EYS: variants seen among roughly 807,000 people sequenced by gnomAD.
EYS encodes protein eyes shut homolog.
EYS carries 250 observed loss-of-function variants against 282.1 expected under a neutral mutation model. The ratio of observed to expected loss-of-function variants is 0.89; its 90% confidence interval spans 0.80 to 0.98. The LOEUF is 0.98. Ranked by LOEUF, EYS falls within the 50% of genes least tolerant of loss-of-function variation. The pLI, the probability that EYS is intolerant of heterozygous loss-of-function variation, is 0.00. For missense variants in EYS, 4,016 were observed against 3,709.0 expected (o/e 1.08, Z -2.15); for synonymous variants, 1,355 against 1,282.9 (o/e 1.06, Z -1.20).
Position 64,297,191 on chromosome 6 carries a change from T to C in EYS, c.6191+9779A>G, listed in dbSNP as rs545372301. On this transcript the variant is annotated intron_variant, in intron 30 of 42. Transcript: ENST00000503581. ...GATCACTGATTACTGCTTCTGATAA[T>C]AGAGCTGATGATCAGTGAACTAGAT... Among the ~76,000 whole-genome samples the C allele has an allele frequency of 1.2e-4, 18 of 152,190 alleles. No homozygotes were observed. The South Asian group carries it at 3.5e-3, about 30-fold the overall frequency.
intron 35 of EYS, among the ~76,000 whole-genome samples, chr6:63,887,523 G>A (rs903089481): frequency 1.3e-5 from 2 of 151,986 alleles, no homozygotes; most frequent in African/African-American, 4.8e-5. Context: ...GAATCAGGGA[G>A]GGGTGTCCCC....
At chr6:65,086,460 G>T (rs1581896537) in intron 12 of EYS, among the ~76,000 whole-genome samples, 2 of 152,026 alleles carry the variant, frequency 1.3e-5, no homozygotes, top group African/African-American at 4.8e-5. Flanking sequence ...CTTTTTGGGG[G>T]GATGTGTATA....
At chr6:64,439,862 G>C (rs1774877467) in intron 26 of EYS, among the ~76,000 whole-genome samples, 1 of 151,536 alleles carries the variant, frequency 6.6e-6, no homozygotes, top group African/African-American at 2.4e-5. Context: ...TAGATTTTCA[G>C]AAAAAAATGA....
intron 13 of EYS, among the ~76,000 whole-genome samples, chr6:65,023,631 T>G (rs558955047): frequency 6.6e-6 from 1 of 152,350 alleles, no homozygotes; most frequent in South Asian, 2.1e-4. Flanking sequence ...ATAGTCTCTC[T>G]TTTATAGTGA....
chr6:64,938,921 C>T lies in EYS; in HGVS notation c.2381+6872G>A, dbSNP rs1769000806. Among the ~76,000 whole-genome samples, 4 of 151,782 alleles carry T rather than the reference C, an allele frequency of 2.6e-5. No homozygotes were observed. The South Asian group carries it at 8.3e-4, about 31-fold the overall frequency. On this transcript the variant is annotated intron_variant, in intron 15 of 42. Coordinates refer to ENST00000503581, the MANE Select transcript of EYS (RefSeq NM_001142800.2). The stretch of plus-strand genomic sequence containing the variant: ...ATCCACTGGGGGTCTTGGAACATAT[C>T]TCCCTTGGAATAGTAAAGGGGGACT...
At chr6:65,656,075 G>C (rs1164648465) in intron 1 of EYS, among the ~76,000 whole-genome samples, 1 of 151,440 alleles carries the variant, frequency 6.6e-6, no homozygotes. Flanking sequence ...AATTGTTTTG[G>C]GGCACCACAA....
At chr6:65,221,319 G>A (rs892193920) in intron 12 of EYS, among the ~76,000 whole-genome samples, 6 of 152,130 alleles carry the variant, frequency 3.9e-5, no homozygotes, top group Non-Finnish European at 8.8e-5. Context: ...ATGCCCAGAG[G>A]CCTAGGAGGA....
At chr6:65,567,331 T>C (rs1264770141) in intron 2 of EYS, among the ~76,000 whole-genome samples, 1 of 150,388 alleles carries the variant, frequency 6.6e-6, no homozygotes, top group Non-Finnish European at 1.5e-5. Context: ...TTCTAACAGA[T>C]ACATTTTCTA....
intron 22 of EYS, among the ~76,000 whole-genome samples, chr6:64,809,972 G>A (rs1764544922): frequency 6.6e-6 from 1 of 151,930 alleles, no homozygotes; most frequent in South Asian, 2.1e-4. Flanking sequence ...TATAATAAAT[G>A]TTGAAAATGT....
chr6:64,442,798 G>A (rs982528177), intron 26 of EYS, among the ~76,000 whole-genome samples: 3 of 143,014 alleles, frequency 2.1e-5, no homozygotes, highest in Non-Finnish European at 3.1e-5. Flanking sequence ...GGGAACCTCT[G>A]CCTAGATTTC....
intron 26 of EYS, among the ~76,000 whole-genome samples, chr6:64,588,644 T>C (rs1349723694): frequency 2.0e-5 from 3 of 152,040 alleles, no homozygotes; most frequent in African/African-American, 7.2e-5. Flanking sequence ...TATTGGTCTC[T>C]TGAGAACTGT....
intron 30 of EYS, among the ~76,000 whole-genome samples, chr6:64,283,173 A>G (rs1768372330): frequency 6.6e-6 from 1 of 152,102 alleles, no homozygotes; most frequent in Non-Finnish European, 1.5e-5. Flanking sequence ...TGCCTGAAAT[A>G]TTCCCCCAAA....
intron 26 of EYS, among the ~76,000 whole-genome samples, chr6:64,498,557 C>G (rs2150510395): frequency 6.6e-6 from 1 of 152,108 alleles, no homozygotes; most frequent in East Asian, 1.9e-4. Flanking sequence ...CTGCACCCAT[C>G]AACCCATCAT....
chr6:65,148,921 T>C (rs889589934), intron 12 of EYS, among the ~76,000 whole-genome samples: 1 of 152,062 alleles, frequency 6.6e-6, no homozygotes, highest in Non-Finnish European at 1.5e-5. Context: ...TGGCCCCTTT[T>C]AGCCATGGTT....
At chr6:65,436,071 G>C (rs926568671) in intron 5 of EYS, among the ~76,000 whole-genome samples, 1 of 151,974 alleles carries the variant, frequency 6.6e-6, no homozygotes, top group Non-Finnish European at 1.5e-5. Context: ...ACACTAAACA[G>C]AGCATTTTAT....
chr6:65,151,961 A>C (rs1764620897), intron 12 of EYS, among the ~76,000 whole-genome samples: 1 of 151,956 alleles, frequency 6.6e-6, no homozygotes, highest in African/African-American at 2.4e-5. Flanking sequence ...TTTAACCTAA[A>C]TGACATTTGT....
At chr6:65,180,342 A>G (rs1765344747) in intron 12 of EYS, among the ~76,000 whole-genome samples, 1 of 152,158 alleles carries the variant, frequency 6.6e-6, no homozygotes, top group Non-Finnish European at 1.5e-5. Context: ...TAAGCTGATA[A>G]ACAACTTCAG....
intron 26 of EYS, among the ~76,000 whole-genome samples, chr6:64,450,009 C>T (rs376251746): frequency 2.6e-5 from 4 of 152,078 alleles, no homozygotes; most frequent in African/African-American, 9.6e-5. Context: ...CATAACAATA[C>T]TAACCTTAAA....
chr6:64,976,371 TAA>T (rs796473066), intron 14 of EYS, among the ~76,000 whole-genome samples: 3 of 146,012 alleles, frequency 2.1e-5, no homozygotes, highest in African/African-American at 7.5e-5. Flanking sequence ...AGGCTGCTAT[TAA>T]AAAAAAAAAC....
Sources: allele counts gnomAD v4.1 joint callset (sites outside exome capture counted in the v4.1 genomes callset), GRCh38; gene constraint gnomAD v4.1.1; transcripts MANE v1.5; gene names NCBI Gene and HGNC (gene_info 2026-07-23, HGNC 2026-07-21).